The following XKRX variants were observed in gnomAD, a reference collection of about 807,000 sequenced individuals.
The protein encoded by XKRX is XK-related protein 2.
A neutral mutation model predicts 22.4 loss-of-function variants in XKRX; 11 were observed. The ratio of observed to expected loss-of-function variants is 0.49; its 90% CI spans 0.31 to 0.81. The LOEUF is 0.81. Among genes scored for constraint, XKRX ranks in the 40% least tolerant of loss-of-function variants. The pLI is 0.05. For missense variants in XKRX, 320 were observed against 336.5 expected (o/e 0.95, Z 0.38); for synonymous variants, 114 against 132.2 (o/e 0.86, Z 0.94).
chrX:100,933,996 C>A (rs1286316743), upstream of XKRX, among the ~76,000 whole-genome samples: 3 of 111,523 alleles, frequency 2.7e-5, no homozygotes, highest in East Asian at 5.6e-4. Context: ...CATTTCATCA[C>A]CCCAAGAAAC....
At chrX:100,910,812 C>A, downstream of XKRX, 1 of 786,718 alleles carries the variant, frequency 1.3e-6, no homozygotes, top group Non-Finnish European at 1.9e-6. Flanking sequence ...AGGCTACGAA[C>A]GTTCAAAGAA....
chrX:100,954,916 A>C, the XKRX span, among the ~76,000 whole-genome samples: 4 of 112,038 alleles, frequency 3.6e-5, no homozygotes, highest in Non-Finnish European at 5.6e-5. Flanking sequence ...TAGGGAAAAA[A>C]GGCTAGTGGC....
the XKRX span, among the ~76,000 whole-genome samples, chrX:100,896,334 A>G: frequency 3.2e-3 from 354 of 111,859 alleles, no homozygotes; most frequent in South Asian, 0.011. Context: ...AAAAAACCCA[A>G]TATAACCACA....
rs183162603 is a variant in XKRX, at chrX:100,926,276, G to C, written c.335+1694C>G. 1.8e-3 allele frequency among the ~76,000 whole-genome samples: 203 copies of C among 111,694 alleles called. 1 individual carries two copies. Among genetic ancestry groups the C allele is most frequent in the Admixed American group, 6.7e-3 (70 of 10,469 alleles). Reference sequence around the variant, plus strand: ...ATGCCTTCCTGTGAAGCCATCTTCAGAGATTTTACCAAGAACACACAACCA... The same window carrying C: ...ATGCCTTCCTGTGAAGCCATCTTCACAGATTTTACCAAGAACACACAACCA... On this transcript the variant is annotated intron_variant, in intron 1 of 2. Transcript: ENST00000372956.
the XKRX span, among the ~76,000 whole-genome samples, chrX:100,941,409 C>T: frequency 9.0e-6 from 1 of 110,973 alleles, no homozygotes; most frequent in East Asian, 2.8e-4. Context: ...ATTAGCTAGG[C>T]GTGGTGGTGC....
chrX:100,908,755 T>C (rs902698865), downstream of XKRX, among the ~76,000 whole-genome samples: 3 of 111,785 alleles, frequency 2.7e-5, no homozygotes, highest in East Asian at 2.8e-4. Flanking sequence ...TAAAGCCCCA[T>C]GGGCTTAGAT....
At chrX:100,907,474 A>G in the XKRX span, among the ~76,000 whole-genome samples, 1 of 112,249 alleles carries the variant, frequency 8.9e-6, no homozygotes, top group Non-Finnish European at 1.9e-5. Flanking sequence ...TGCTGGGATT[A>G]CAGGCGTGAG....
chrX:100,950,473 CAAAT>C, the XKRX span, among the ~76,000 whole-genome samples: 6 of 111,913 alleles, frequency 5.4e-5, no homozygotes, highest in Admixed American at 4.8e-4. Flanking sequence ...TCTCTCTCAA[CAAAT>C]AACAGATCAA....
chrX:100,887,865 T>C, the XKRX span: 3 of 1,160,721 alleles, frequency 2.6e-6, no homozygotes, highest in Non-Finnish European at 3.5e-6. Flanking sequence ...AAATCCATTA[T>C]AGCCATCCCC....
chrX:100,939,585 G>A, the XKRX span, among the ~76,000 whole-genome samples: 3 of 111,697 alleles, frequency 2.7e-5, no homozygotes, highest in Non-Finnish European at 5.6e-5. Context: ...AGCAGCAACC[G>A]GAAGTTCACG....
intron 2 of XKRX, among the ~76,000 whole-genome samples, chrX:100,917,624 G>A (rs202001557): frequency 9.1e-5 from 5 of 55,088 alleles, no homozygotes; most frequent in Admixed American, 2.4e-4. Flanking sequence ...GAGAAAGAAA[G>A]AGAAAGAAAG....
chrX:100,936,623 G>T, the XKRX span, among the ~76,000 whole-genome samples: 1 of 106,337 alleles, frequency 9.4e-6, no homozygotes, highest in Non-Finnish European at 1.9e-5. Context: ...CAGGCAGGCC[G>T]GCTGGCCCAA....
At chrX:100,956,211 G>C in the XKRX span, among the ~76,000 whole-genome samples, 1 of 111,124 alleles carries the variant, frequency 9.0e-6, no homozygotes, top group Non-Finnish European at 1.9e-5. Context: ...GGGAGGAGGT[G>C]GGGGGAGGAG....
chrX:100,920,741 G>A (rs2085467949), intron 2 of XKRX, among the ~76,000 whole-genome samples: 2 of 112,025 alleles, frequency 1.8e-5, no homozygotes, highest in Non-Finnish European at 3.8e-5. Flanking sequence ...GTCATTTTGT[G>A]CATGTATTAC....
chrX:100,950,531 C>G, the XKRX span, among the ~76,000 whole-genome samples: 1 of 112,105 alleles, frequency 8.9e-6, no homozygotes, highest in East Asian at 2.8e-4. Flanking sequence ...CATCAACCAT[C>G]AAGGTCTAAT....
rs1193618870 is a variant in XKRX at position 100,922,931 on chromosome X, G to T, written c.466C>A (p.His156Asn). Residue 156 changes from histidine (H) to asparagine (N), a missense_variant, in exon 2 of 3, where the codon CAC becomes AAC. His to Asn is a moderately conservative substitution (Grantham distance 68, BLOSUM62 1). Coordinates refer to ENST00000372956, the MANE Select transcript of XKRX (RefSeq NM_212559.3). ...EEVLIEWEVG[H>N]SIRTLAMHRN... ...TGCATAGCCAGGGTCCGGATGGAGT[G>T]GCCCACCTCCCATTCTATCAGCACC... is the stretch of plus-strand genomic sequence containing the variant. The T allele has an allele frequency of 3.3e-6, 4 of 1,209,385 alleles. No homozygotes were observed. The African/African-American group carries it at 7.0e-5, about 21-fold the overall frequency.
At chrX:100,898,576 C>T in the XKRX span, among the ~76,000 whole-genome samples, 1 of 99,223 alleles carries the variant, frequency 1.0e-5, no homozygotes, top group Non-Finnish European at 2.0e-5. Context: ...ATTTCAAAAG[C>T]TCCCACCTAA....
intron 1 of XKRX, among the ~76,000 whole-genome samples, chrX:100,923,965 T>C (rs1396916493): frequency 9.5e-6 from 1 of 105,397 alleles, no homozygotes. Context: ...GCCTCCTGAG[T>C]AGCTGGGATT....
chrX:100,894,286 C>T, the XKRX span, among the ~76,000 whole-genome samples: 4 of 111,176 alleles, frequency 3.6e-5, no homozygotes, highest in South Asian at 3.8e-4. Context: ...ATAATAAGTA[C>T]GTGAGATAAT....
Sources: allele counts gnomAD v4.1 joint callset (sites outside exome capture counted in the v4.1 genomes callset), GRCh38; gene constraint gnomAD v4.1.1; transcripts MANE v1.5; gene names NCBI Gene and HGNC (gene_info 2026-07-23, HGNC 2026-07-21).